Variants in DLGAP1 observed in about 807,000 individuals in gnomAD.
DLGAP1 encodes disks large-associated protein 1.
Under a neutral mutation model 90.8 loss-of-function variants are expected in DLGAP1, and 11 were observed. The ratio of observed to expected loss-of-function variants is 0.12; its 90% CI spans 0.08 to 0.20. The LOEUF (loss-of-function observed/expected upper bound fraction) is 0.20. Ranked by LOEUF, DLGAP1 falls within the 10% of genes least tolerant of loss-of-function variation. DLGAP1 has a pLI of 1.00. For missense variants in DLGAP1, 1,050 were observed against 1,333.8 expected (o/e 0.79, Z 3.31); for synonymous variants, 558 against 540.7 (o/e 1.03, Z -0.44).
At chr18:4,218,570 C>T (rs1353514576) in intron 1 of DLGAP1, among the ~76,000 whole-genome samples, 2 of 151,912 alleles carry the variant, frequency 1.3e-5, no homozygotes, top group Non-Finnish European at 2.9e-5. Flanking sequence ...GCTTATTCCT[C>T]CGATCTAAAT....
intron 5 of DLGAP1, among the ~76,000 whole-genome samples, chr18:3,763,381 T>A (rs1000166173): frequency 5.9e-5 from 9 of 152,198 alleles, no homozygotes; most frequent in Admixed American, 4.6e-4. Context: ...GCTTGGATTA[T>A]CTTCCTTGCT....
chr18:3,547,376 A>C (rs2144729638), intron 9 of DLGAP1, among the ~76,000 whole-genome samples: 1 of 151,330 alleles, frequency 6.6e-6, no homozygotes, highest in African/African-American at 2.4e-5. Context: ...TAGTATCCAG[A>C]ATGTATAAAG....
rs79856107 is a variant in DLGAP1, at chr18:3,552,796, C to T, written c.2057+14694G>A. Among the ~76,000 whole-genome samples, 1,325 of 152,280 alleles carry T rather than the reference C, an allele frequency of 8.7e-3. 20 individuals are homozygous for T. The highest frequency in any genetic ancestry group is 0.074 in the East Asian group (380 of 5,166). On this transcript the variant is annotated intron_variant, in intron 9 of 12. Transcript: ENST00000315677. Reference sequence around the variant, plus strand: ...GACTTTTTAGCTCCATCTTCATCCCCGCTTTCAGAGCGCCCAATGCCACCC... The same window carrying T: ...GACTTTTTAGCTCCATCTTCATCCCTGCTTTCAGAGCGCCCAATGCCACCC...
At chr18:3,837,849 CAAAAAAAAAAAAAAAAAAA>C (rs5822770) in intron 4 of DLGAP1, among the ~76,000 whole-genome samples, 2 of 26,798 alleles carry the variant, frequency 7.5e-5, no homozygotes, top group African/African-American at 1.4e-4. Context: ...GAGATTCTGT[CAAAAAAAAAAAAAAAAAAA>C]AAAAAAAAAA....
At chr18:3,509,212 A>G (rs1464979643) in intron 10 of DLGAP1, among the ~76,000 whole-genome samples, 2 of 152,162 alleles carry the variant, frequency 1.3e-5, no homozygotes, top group Admixed American at 6.5e-5. Context: ...TACCGTCAGG[A>G]AAGAGCTGTG....
At chr18:3,860,151 GC>G (rs2069953407) in intron 4 of DLGAP1, among the ~76,000 whole-genome samples, 1 of 149,170 alleles carries the variant, frequency 6.7e-6, no homozygotes, top group Non-Finnish European at 1.5e-5. Context: ...TAAATTGGGG[GC>G]ATTTTGTTAT....
intron 1 of DLGAP1, among the ~76,000 whole-genome samples, chr18:4,370,087 G>C (rs1037043721): frequency 6.6e-6 from 1 of 152,124 alleles, no homozygotes; most frequent in African/African-American, 2.4e-5. Context: ...CAGGTGTTAG[G>C]ACACAGGTAA....
intron 3 of DLGAP1, among the ~76,000 whole-genome samples, chr18:3,991,117 T>G (rs1450208719): frequency 6.6e-6 from 1 of 152,054 alleles, no homozygotes; most frequent in Non-Finnish European, 1.5e-5. Flanking sequence ...ACTTTATAGG[T>G]AATTTTTCAA....
At chr18:4,353,305 G>C (rs985593642) in intron 1 of DLGAP1, among the ~76,000 whole-genome samples, 5 of 152,196 alleles carry the variant, frequency 3.3e-5, no homozygotes, top group African/African-American at 4.8e-5. Context: ...GGGGCTGCGA[G>C]TCACAATTCC....
chr18:3,846,043 G>GGTGTGTGTGTGTGTGTGTGTGTGTGTGT (rs35460885), intron 4 of DLGAP1, among the ~76,000 whole-genome samples: 1 of 145,024 alleles, frequency 6.9e-6, no homozygotes, highest in East Asian at 2.1e-4. Flanking sequence ...TTGAAAGTGT[G>GGTGTGTGTGTGTGTGTGTGTGTGTGTGT]GTGTGTGTGT....
chr18:4,390,914 C>T (rs565376036), intron 1 of DLGAP1, among the ~76,000 whole-genome samples: 3 of 152,246 alleles, frequency 2.0e-5, no homozygotes, highest in Admixed American at 2.0e-4. Context: ...TGGAAGTGCT[C>T]CTCTTGGGCC....
intron 4 of DLGAP1, among the ~76,000 whole-genome samples, chr18:3,848,176 C>CA (rs1228096580): frequency 1.4e-5 from 1 of 71,522 alleles, no homozygotes; most frequent in Non-Finnish European, 2.9e-5. Flanking sequence ...ACAGTAAACA[C>CA]AAAAAAGACT....
chr18:4,381,078 G>A (rs368804607), intron 1 of DLGAP1, among the ~76,000 whole-genome samples: 1 of 151,968 alleles, frequency 6.6e-6, no homozygotes, highest in East Asian at 1.9e-4. Context: ...TATCACCCAG[G>A]TGGTTAACAC....
At chr18:3,553,077 CTT>C (rs1489146785) in intron 9 of DLGAP1, among the ~76,000 whole-genome samples, 2 of 151,658 alleles carry the variant, frequency 1.3e-5, no homozygotes, top group African/African-American at 4.8e-5. Flanking sequence ...CATGTGTATC[CTT>C]TTTTTTCACC....
chr18:4,040,260 T>G (rs1433746335), intron 2 of DLGAP1, among the ~76,000 whole-genome samples: 1 of 152,238 alleles, frequency 6.6e-6, no homozygotes, highest in East Asian at 1.9e-4. Context: ...TCACATGTAG[T>G]TGTGAGGATT....
Position 3,766,861 on chromosome 18 carries a change from T to C in DLGAP1, c.1173-24349A>G, listed in dbSNP as rs1455178429. ...AACGTATAGCACTAAATGTATATGT[T>C]AGAAAAGAAGTCTCAAATCAATAAT... On this transcript the variant is annotated intron_variant, in intron 5 of 12. Coordinates refer to ENST00000315677, the MANE Select transcript of DLGAP1 (RefSeq NM_004746.4). Among the ~76,000 whole-genome samples the C allele has an allele frequency of 3.3e-5, 5 of 152,102 alleles. No homozygotes were observed. The East Asian group carries it at 9.6e-4, about 29-fold the overall frequency.
intron 1 of DLGAP1, among the ~76,000 whole-genome samples, chr18:4,340,098 T>C (rs565584728): frequency 5.1e-4 from 78 of 152,308 alleles, no homozygotes; most frequent in Non-Finnish European, 1.0e-3. Context: ...ATACATACTT[T>C]TAGTAAAGTT....
chr18:3,807,938 G>T (rs1248175771), intron 5 of DLGAP1, among the ~76,000 whole-genome samples: 1 of 152,102 alleles, frequency 6.6e-6, no homozygotes, highest in Non-Finnish European at 1.5e-5. Flanking sequence ...TTTCAACACA[G>T]GCTTTTCTAA....
At chr18:3,605,405 T>C (rs1424582501) in intron 7 of DLGAP1, among the ~76,000 whole-genome samples, 1 of 152,242 alleles carries the variant, frequency 6.6e-6, no homozygotes, top group Non-Finnish European at 1.5e-5. Flanking sequence ...ACTGAACTTT[T>C]AAGTTCCAAG....
Sources: gnomAD v4.1 joint callset for allele counts (sites outside exome capture counted in the v4.1 genomes callset) on GRCh38, gnomAD v4.1.1 for gene constraint, MANE v1.5 for transcripts, NCBI Gene and HGNC (gene_info 2026-07-23, HGNC 2026-07-21) for gene names.